EYS: variants seen among roughly 807,000 people sequenced by gnomAD.
The protein encoded by EYS is protein eyes shut homolog.
In EYS, 250 loss-of-function variants were observed where a neutral mutation model predicts 282.1. That is an observed-to-expected ratio of 0.89 (90% confidence interval 0.80 to 0.98). The LOEUF (loss-of-function observed/expected upper bound fraction) is 0.98. Among genes scored for constraint, EYS ranks in the 50% least tolerant of loss-of-function variants. The pLI is 0.00. For synonymous variants in EYS, 1,355 were observed against 1,282.9 expected, an observed-to-expected ratio of 1.06 and a Z score of -1.20; for missense variants, 4,016 against 3,709.0, an observed-to-expected ratio of 1.08 and a Z score of -2.15.
intron 1 of EYS, among the ~76,000 whole-genome samples, chr6:65,677,209 T>C (rs981015916): frequency 1.3e-5 from 2 of 149,756 alleles, no homozygotes; most frequent in African/African-American, 4.9e-5. Context: ...GTACCAGAAG[T>C]CCTAGCTAGA....
At chr6:65,148,728 G>A (rs769001813) in intron 12 of EYS, among the ~76,000 whole-genome samples, 10 of 152,044 alleles carry the variant, frequency 6.6e-5, no homozygotes, top group Non-Finnish European at 1.3e-4. Flanking sequence ...GGTTCTCCAT[G>A]AGGTCTCCAC....
At chr6:65,524,221 C>T (rs568704497) in intron 2 of EYS, among the ~76,000 whole-genome samples, 4 of 149,888 alleles carry the variant, frequency 2.7e-5, no homozygotes, top group African/African-American at 1.0e-4. Flanking sequence ...CTGGCCTGCA[C>T]AGTAACTCTC....
intron 26 of EYS, among the ~76,000 whole-genome samples, chr6:64,443,705 A>G (rs1360535640): frequency 6.6e-6 from 1 of 152,012 alleles, no homozygotes; most frequent in Non-Finnish European, 1.5e-5. Context: ...GCCTGCTGCC[A>G]TCTCTCTTTT....
chr6:65,427,605 A>C (rs781098047), intron 5 of EYS, among the ~76,000 whole-genome samples: 3 of 152,118 alleles, frequency 2.0e-5, no homozygotes, highest in Non-Finnish European at 4.4e-5. Flanking sequence ...GAAGATAGGC[A>C]GCATATTTGA....
intron 2 of EYS, among the ~76,000 whole-genome samples, chr6:65,519,705 TA>T (rs1170240655): frequency 0.011 from 540 of 50,210 alleles, 20 homozygotes; most frequent in African/African-American, 0.056. Flanking sequence ...TATATATATA[TA>T]TATTTTTTTT....
intron 26 of EYS, among the ~76,000 whole-genome samples, chr6:64,545,919 T>A (rs1389545587): frequency 6.6e-6 from 1 of 152,022 alleles, no homozygotes; most frequent in Non-Finnish European, 1.5e-5. Context: ...GTAGGAAAAA[T>A]CAATATCGTG....
At chr6:64,788,415 G>C (rs1156323714) in intron 22 of EYS, among the ~76,000 whole-genome samples, 2 of 152,098 alleles carry the variant, frequency 1.3e-5, no homozygotes, top group Non-Finnish European at 2.9e-5. Context: ...TTTCCACACG[G>C]CACTCCCATC....
At chr6:64,742,463 A>T (rs1360285119) in intron 22 of EYS, among the ~76,000 whole-genome samples, 1 of 152,230 alleles carries the variant, frequency 6.6e-6, no homozygotes, top group African/African-American at 2.4e-5. Context: ...TGGTGTCAAT[A>T]AAATTGGTCA....
chr6:64,231,464 A>G (rs1562263668), intron 30 of EYS, among the ~76,000 whole-genome samples: 1 of 152,122 alleles, frequency 6.6e-6, no homozygotes, highest in Non-Finnish European at 1.5e-5. Flanking sequence ...ATGATTCCTA[A>G]TAAGTACCTT....
chr6:65,353,163 T>G (rs1225520089), intron 9 of EYS, among the ~76,000 whole-genome samples: 1 of 152,006 alleles, frequency 6.6e-6, no homozygotes, highest in Non-Finnish European at 1.5e-5. Context: ...TACATAGTTA[T>G]CACTGTATTT....
intron 22 of EYS, among the ~76,000 whole-genome samples, chr6:64,786,386 A>G (rs900662921): frequency 8.5e-5 from 13 of 152,078 alleles, no homozygotes; most frequent in Admixed American, 5.9e-4. Context: ...TCTGATTTGC[A>G]TAGGGCTCAG....
At chr6:64,538,236 T>C (rs540797934) in intron 26 of EYS, among the ~76,000 whole-genome samples, 56 of 152,278 alleles carry the variant, frequency 3.7e-4, no homozygotes, top group Non-Finnish European at 6.2e-4. Context: ...CTAATGGTTA[T>C]CAAATTTTTG....
At chr6:65,702,088 G>A (rs530706346) in intron 1 of EYS, among the ~76,000 whole-genome samples, 1 of 152,240 alleles carries the variant, frequency 6.6e-6, no homozygotes, top group African/African-American at 2.4e-5. Context: ...GAGATGATTA[G>A]GATCAGTTTT....
chr6:63,844,444 A>G (rs1438987355), intron 36 of EYS, among the ~76,000 whole-genome samples: 1 of 152,158 alleles, frequency 6.6e-6, no homozygotes, highest in Non-Finnish European at 1.5e-5. Context: ...GTCTTCCACA[A>G]TGGTTGAACT....
rs927327659 is a variant in EYS at position 63,720,866 on chromosome 6, AAG to A, written c.9163_9164del (p.Leu3055TyrfsTer7). The A allele has an allele frequency of 2.6e-6, 4 of 1,551,074 alleles. No individual in the cohort carries two copies. The highest frequency in any genetic ancestry group is 3.5e-6 in the Non-Finnish European group (4 of 1,146,630). ...GACTGTTATTTATGTAGGCCTTGAT[AAG>A]AGTCTGATTTTGAATTACAACTACA... is the stretch of plus-strand genomic sequence containing the variant. The part of the protein sequence containing the change: ...HHVVVIQNQT[L>X]IKAYINNSLI... On this transcript the variant is annotated frameshift_variant, in exon 43 of 43. Transcript: ENST00000503581. LOFTEE classifies it high-confidence loss of function.
intron 16 of EYS, among the ~76,000 whole-genome samples, chr6:64,907,431 CTT>C (rs373450972): frequency 1.3e-5 from 2 of 152,222 alleles, no homozygotes; most frequent in African/African-American, 4.8e-5. Flanking sequence ...TTAATTAACT[CTT>C]TGCCTTCACT....
At chr6:65,550,339 AT>A (rs1331178275) in intron 2 of EYS, among the ~76,000 whole-genome samples, 7 of 9,536 alleles carry the variant, frequency 7.3e-4, no homozygotes, top group South Asian at 4.8e-3. Context: ...TTTTTTATTT[AT>A]TTTTTTTTTT....
At chr6:64,389,752 C>A (rs1158151616) in intron 28 of EYS, among the ~76,000 whole-genome samples, 1 of 152,122 alleles carries the variant, frequency 6.6e-6, no homozygotes, top group Admixed American at 6.5e-5. Flanking sequence ...AATAATAGTA[C>A]ACATTCTTGG....
intron 41 of EYS, among the ~76,000 whole-genome samples, chr6:63,747,903 A>C (rs577570277): frequency 9.9e-5 from 15 of 151,860 alleles, no homozygotes; most frequent in Non-Finnish European, 1.6e-4. Context: ...TCTTTATCCA[A>C]TTTGCCAGTC....
Sources: gnomAD v4.1 joint callset for allele counts (sites outside exome capture counted in the v4.1 genomes callset) on GRCh38, gnomAD v4.1.1 for gene constraint, MANE v1.5 for transcripts, NCBI Gene and HGNC (gene_info 2026-07-23, HGNC 2026-07-21) for gene names.